DCHS2: variants seen among roughly 807,000 people sequenced by gnomAD.
The protein encoded by DCHS2 is dachsous cadherin-related 2, also known as protocadherin-23.
Under a neutral mutation model 182.4 loss-of-function variants are expected in DCHS2, and 142 were observed. The observed-to-expected ratio is 0.78, with a 90% CI of 0.68 to 0.89. The LOEUF (loss-of-function observed/expected upper bound fraction) is 0.89. Ranked by LOEUF, DCHS2 falls within the 40% of genes least tolerant of loss-of-function variation. The pLI is 0.00. For missense variants in DCHS2, 4,319 were observed against 4,198.6 expected (o/e 1.03, Z -0.79); for synonymous variants, 1,740 against 1,663.3 (o/e 1.05, Z -1.12).
intron 1 of DCHS2, among the ~76,000 whole-genome samples, chr4:154,435,011 A>G (rs191139548): frequency 2.0e-5 from 3 of 152,288 alleles, no homozygotes; most frequent in Admixed American, 2.0e-4. Context: ...TGGAGAAAGG[A>G]CAAGAGGGAA....
intron 4 of DCHS2, 27 bp from the exon 5 acceptor site, chr4:154,333,521 T>C (rs779559701): frequency 6.3e-7 from 1 of 1,580,386 alleles, no homozygotes; most frequent in South Asian, 1.1e-5. Flanking sequence ...GGACAACCAC[T>C]GTATGTCAAA....
At chr4:154,273,492 A>G (rs1362217832) in intron 13 of DCHS2, among the ~76,000 whole-genome samples, 1 of 152,066 alleles carries the variant, frequency 6.6e-6, no homozygotes, top group Non-Finnish European at 1.5e-5. Context: ...AGACTATACA[A>G]TAGATACTAT....
In DCHS2 at chr4:154,247,671, A is replaced by C. The variant is rs13129992; in HGVS notation, c.6942-4899T>G. ...AAAAAAAAAAAAAAAAAAAAAAAAA[A>C]AGAATTAGAATGGCACTAGACTTGT... On this transcript the variant is annotated intron_variant, in intron 16 of 19. Transcript: ENST00000357232. Among the ~76,000 whole-genome samples the C allele has an allele frequency of 5.0e-4, 71 of 141,892 alleles. 2 individuals are homozygous for C. The highest frequency in any genetic ancestry group is 1.8e-3 in the African/African-American group (65 of 36,614). 93.1% of individuals were successfully genotyped at this position (141,892 alleles called of 152,430 possible).
At chr4:154,350,246 A>C (rs1248912359) in intron 3 of DCHS2, among the ~76,000 whole-genome samples, 2 of 152,310 alleles carry the variant, frequency 1.3e-5, no homozygotes, top group African/African-American at 4.8e-5. Context: ...TATTACCCTG[A>C]ATTTCTTTGA....
At chr4:154,398,627 T>C (rs117149213) in intron 1 of DCHS2, among the ~76,000 whole-genome samples, 2 of 152,286 alleles carry the variant, frequency 1.3e-5, no homozygotes, top group East Asian at 1.9e-4. Context: ...GGAAAATAAA[T>C]GTTATTGAAT....
intron 3 of DCHS2, among the ~76,000 whole-genome samples, chr4:154,363,205 CTTCTGAGTATATATCCAA>C (rs1474858422): frequency 6.6e-6 from 1 of 152,110 alleles, no homozygotes; most frequent in Admixed American, 6.6e-5. Flanking sequence ...AGAAAGTCTA[CTTCTGAGTATATATCCAA>C]AGGAAAAAAA....
intron 1 of DCHS2, among the ~76,000 whole-genome samples, chr4:154,379,865 G>A (rs990838066): frequency 6.6e-6 from 1 of 152,062 alleles, no homozygotes; most frequent in African/African-American, 2.4e-5. Flanking sequence ...GACTTTTGGA[G>A]CTATTTTGAA....
Position 154,235,665 on chromosome 4 carries a change from A to AAAG in DCHS2, c.8986_8987insCTT (p.Ile2996delinsThrPhe). 6.2e-7 allele frequency: 1 copy of AAAG among 1,613,956 alleles called. No individual in the cohort carries two copies. Among genetic ancestry groups the AAAG allele is most frequent in the South Asian group, 1.1e-5 (1 of 91,048 alleles). ...CACTAAAAAGGAGACCACCAGGCTG[A>AAAG]TTGAAAAGCTGCTGGCGAACACTGC... On this transcript the variant is annotated protein_altering_variant, in exon 20 of 20. Coordinates refer to ENST00000357232, the MANE Select transcript of DCHS2 (RefSeq NM_001358235.2).
chr4:154,421,316 G>T (rs1041129761), intron 1 of DCHS2, among the ~76,000 whole-genome samples: 3 of 152,038 alleles, frequency 2.0e-5, no homozygotes, highest in Non-Finnish European at 4.4e-5. Flanking sequence ...CTTTATTAAA[G>T]AATCACTCCT....
intron 1 of DCHS2, among the ~76,000 whole-genome samples, chr4:154,437,970 G>A (rs1188599000): frequency 6.6e-6 from 1 of 152,032 alleles, no homozygotes; most frequent in Non-Finnish European, 1.5e-5. Context: ...CCAGGAGTTC[G>A]AGACCAGCCT....
intron 3 of DCHS2, among the ~76,000 whole-genome samples, chr4:154,350,697 G>A (rs1729567313): frequency 6.6e-6 from 1 of 151,610 alleles, no homozygotes; most frequent in African/African-American, 2.4e-5. Flanking sequence ...TGATTTTTAG[G>A]CAACACTTAC....
At chr4:154,291,045 A>C (rs990357342) in intron 13 of DCHS2, among the ~76,000 whole-genome samples, 1 of 152,182 alleles carries the variant, frequency 6.6e-6, no homozygotes, top group African/African-American at 2.4e-5. Flanking sequence ...CTATCTGACA[A>C]GGGATTCATA....
intron 12 of DCHS2, among the ~76,000 whole-genome samples, chr4:154,300,330 G>A (rs1008872919): frequency 6.6e-5 from 10 of 152,026 alleles, no homozygotes; most frequent in African/African-American, 2.4e-4. Context: ...ATTTTGGACA[G>A]GAAAGTGTCA....
chr4:154,486,886 C>T (rs2404478), intron 1 of DCHS2, among the ~76,000 whole-genome samples: 105,862 of 151,970 alleles, frequency 0.7, 37,980 homozygotes, highest in East Asian at 0.99. Flanking sequence ...CAATTTAATG[C>T]TGTCTGCAGC....
In DCHS2 at chr4:154,489,935, C is replaced by A; in HGVS notation, c.1421G>T (p.Gly474Val). ...GGGTAGCAACGCGAAGTCTCCCTCT[C>A]CGCCTTCCAAGGACAGAGAGATGCT... ...DGSISLSLEG[G>V]EGDFALLPGG... Residue 474 changes from glycine to valine, a missense_variant, in exon 1 of 20, where the codon GGA (glycine) becomes GTA (valine). Transcript: ENST00000357232. The A allele has an allele frequency of 6.5e-7, 1 of 1,541,108 alleles. No individual in the cohort carries two copies. The highest frequency in any genetic ancestry group is 8.8e-7 in the Non-Finnish European group (1 of 1,140,018).
chr4:154,281,746 AG>A (rs2111236213), intron 13 of DCHS2, among the ~76,000 whole-genome samples: 1 of 152,300 alleles, frequency 6.6e-6, no homozygotes, highest in South Asian at 2.1e-4. Flanking sequence ...AGTAAAACAA[AG>A]CTAGAGGCTT....
Position 154,474,755 on chromosome 4 carries a change from C to T in DCHS2, c.2052+14549G>A, listed in dbSNP as rs371800430. On this transcript the variant is annotated intron_variant, in intron 1 of 19. Coordinates refer to ENST00000357232, the MANE Select transcript of DCHS2 (RefSeq NM_001358235.2). The stretch of plus-strand genomic sequence containing the variant: ...CATGCTACTCCCAATTTTTCTTATC[C>T]ATGAAATAAGGATAAGAGCAATACC... 3.1e-3 allele frequency among the ~76,000 whole-genome samples: 471 copies of T among 152,260 alleles called. 20 individuals are homozygous for T. In the South Asian group the frequency reaches 0.069, roughly 22 times the overall value.
chr4:154,278,521 A>G (rs13136843), intron 13 of DCHS2, among the ~76,000 whole-genome samples: 49,135 of 151,862 alleles, frequency 0.32, 9,213 homozygotes, highest in Non-Finnish European at 0.43. Flanking sequence ...TATTCATGAT[A>G]CTTAAAGGAC....
chr4:154,363,583 G>T (rs1288190714), intron 3 of DCHS2, among the ~76,000 whole-genome samples: 1 of 152,108 alleles, frequency 6.6e-6, no homozygotes, highest in Non-Finnish European at 1.5e-5. Flanking sequence ...TTGCCCAAAG[G>T]TTACAAAGGT....
Sources: gnomAD v4.1 joint callset for allele counts (sites outside exome capture counted in the v4.1 genomes callset) on GRCh38, gnomAD v4.1.1 for gene constraint, MANE v1.5 for transcripts, NCBI Gene and HGNC (gene_info 2026-07-23, HGNC 2026-07-21) for gene names.